Variants in NTNG1 observed in about 807,000 individuals in gnomAD.
NTNG1 encodes the protein netrin G1.
In NTNG1, 16 loss-of-function variants were observed where a neutral mutation model predicts 54.0. That is an observed-to-expected ratio of 0.30 (90% CI 0.20 to 0.45). The LOEUF (loss-of-function observed/expected upper bound fraction) is 0.45, where lower values mean the gene tolerates loss of function less well. Among genes scored for constraint, NTNG1 ranks in the 20% least tolerant of loss-of-function variants. The pLI is 1.00. For missense variants in NTNG1, 530 were observed against 678.7 expected, an observed-to-expected ratio of 0.78 and a Z score of 2.43; for synonymous variants, 255 against 263.1, an observed-to-expected ratio of 0.97 and a Z score of 0.30.
chr1:107,191,443 T>A (rs976060359), intron 2 of NTNG1, among the ~76,000 whole-genome samples: 1 of 152,064 alleles, frequency 6.6e-6, no homozygotes, highest in Non-Finnish European at 1.5e-5. Flanking sequence ...TAGATCCCAT[T>A]TGTCAATTGT....
intron 2 of NTNG1, among the ~76,000 whole-genome samples, chr1:107,177,712 T>C (rs111979767): frequency 0.019 from 2,829 of 152,340 alleles, 85 homozygotes; most frequent in African/African-American, 0.064. Context: ...TCTATACTTT[T>C]GTTTGATTTA....
chr1:107,323,815 T>G (rs896183869), intron 2 of NTNG1, among the ~76,000 whole-genome samples: 1 of 152,094 alleles, frequency 6.6e-6, no homozygotes, highest in Non-Finnish European at 1.5e-5. Context: ...GGGTATTGTC[T>G]CCCCTACAGA....
chr1:107,430,317 A>G lies in NTNG1; in HGVS notation c.1088-433A>G, dbSNP rs535901207. On this transcript the variant is annotated intron_variant, in intron 5 of 7. Coordinates refer to ENST00000370068, the MANE Select transcript of NTNG1 (RefSeq NM_001113226.3). ...TAAAGGAGCCATGGTGATGGTACTT[A>G]GACTCTCAATGCTCACACAGTCCCC... Among the ~76,000 whole-genome samples the G allele has an allele frequency of 1.4e-4, 21 of 152,278 alleles. No individual in the cohort carries two copies. The South Asian group carries it at 3.7e-3, about 27-fold the overall frequency.
At chr1:107,421,397 A>G (rs1396474495) in intron 5 of NTNG1, among the ~76,000 whole-genome samples, 1 of 152,050 alleles carries the variant, frequency 6.6e-6, no homozygotes, top group Non-Finnish European at 1.5e-5. Context: ...AAGAATTACA[A>G]TGGTTGAGGT....
chr1:107,246,910 C>T (rs566318405), intron 2 of NTNG1, among the ~76,000 whole-genome samples: 3 of 152,210 alleles, frequency 2.0e-5, no homozygotes, highest in Admixed American at 2.0e-4. Flanking sequence ...TTGGTGAGAA[C>T]TACAGCTATC....
chr1:107,429,547 AGAAT>A (rs1217521530), intron 5 of NTNG1, among the ~76,000 whole-genome samples: 1 of 152,174 alleles, frequency 6.6e-6, no homozygotes, highest in Non-Finnish European at 1.5e-5. Context: ...AATGAATGAA[AGAAT>A]GAATGAATGT....
At chr1:107,282,037 C>T (rs942248495) in intron 2 of NTNG1, among the ~76,000 whole-genome samples, 4 of 152,070 alleles carry the variant, frequency 2.6e-5, no homozygotes, top group African/African-American at 9.7e-5. Context: ...GAGTCTGACA[C>T]GTGGACTTTT....
At chr1:107,183,762 T>C (rs1657240803) in intron 2 of NTNG1, among the ~76,000 whole-genome samples, 2 of 152,100 alleles carry the variant, frequency 1.3e-5, no homozygotes, top group South Asian at 4.1e-4. Flanking sequence ...TCATACACAT[T>C]TCAAAAATAA....
chr1:107,277,269 A>G (rs1270181130), intron 2 of NTNG1, among the ~76,000 whole-genome samples: 1 of 152,184 alleles, frequency 6.6e-6, no homozygotes, highest in Non-Finnish European at 1.5e-5. Context: ...GATGGATTTC[A>G]GAGCCCAGAA....
At chr1:107,223,641 T>C (rs150093398) in intron 2 of NTNG1, among the ~76,000 whole-genome samples, 36 of 152,328 alleles carry the variant, frequency 2.4e-4, no homozygotes, top group Middle Eastern at 3.4e-3. Context: ...TGGTATTTAT[T>C]AATTTTTCTA....
At chr1:107,219,114 A>ATTTTTTTTTTTTTTTTTTT (rs199656576) in intron 2 of NTNG1, among the ~76,000 whole-genome samples, 1 of 143,746 alleles carries the variant, frequency 7.0e-6, no homozygotes, top group African/African-American at 2.5e-5. Context: ...TTGTTTTTAA[A>ATTTTTTTTTTTTTTTTTTT]TTTTTTTTTT....
At chr1:107,448,663 A>C (rs376202606) in intron 7 of NTNG1, among the ~76,000 whole-genome samples, 1 of 152,100 alleles carries the variant, frequency 6.6e-6, no homozygotes, top group Non-Finnish European at 1.5e-5. Flanking sequence ...GCTTTTTATC[A>C]CTTTGTGTTT....
chr1:107,179,069 C>T (rs932768808), intron 2 of NTNG1, among the ~76,000 whole-genome samples: 5 of 152,166 alleles, frequency 3.3e-5, no homozygotes, highest in African/African-American at 1.2e-4. Context: ...GCCCTGCCCT[C>T]CCCACAAAGA....
At chr1:107,140,429 G>T (rs556219354), upstream of NTNG1, among the ~76,000 whole-genome samples, 60 of 152,192 alleles carry the variant, frequency 3.9e-4, no homozygotes, top group Admixed American at 1.3e-4. Context: ...GCCGCTGGTG[G>T]GGGCGGGGAG....
chr1:107,290,584 G>A (rs1293777743), intron 2 of NTNG1, among the ~76,000 whole-genome samples: 1 of 151,992 alleles, frequency 6.6e-6, no homozygotes, highest in Non-Finnish European at 1.5e-5. Flanking sequence ...ATTGTGAGGG[G>A]TACTGGAATT....
At chr1:107,382,400 A>T (rs2101037738) in intron 3 of NTNG1, among the ~76,000 whole-genome samples, 1 of 152,242 alleles carries the variant, frequency 6.6e-6, no homozygotes, top group East Asian at 1.9e-4. Flanking sequence ...AAAATGTGAC[A>T]TTGATCCATG....
At chr1:107,189,869 G>A (rs1657775739) in intron 2 of NTNG1, among the ~76,000 whole-genome samples, 1 of 150,982 alleles carries the variant, frequency 6.6e-6, no homozygotes, top group African/African-American at 2.4e-5. Flanking sequence ...TTGTGTACTA[G>A]TATTCACAGC....
chr1:107,355,156 T>A (rs1669862456), intron 3 of NTNG1, among the ~76,000 whole-genome samples: 1 of 152,224 alleles, frequency 6.6e-6, no homozygotes, highest in East Asian at 1.9e-4. Flanking sequence ...CTCTGATTCC[T>A]CACTTGTGCT....
At chr1:107,233,998 T>C (rs909303676) in intron 2 of NTNG1, among the ~76,000 whole-genome samples, 3 of 152,196 alleles carry the variant, frequency 2.0e-5, no homozygotes, top group Non-Finnish European at 2.9e-5. Context: ...TGTCACTTTA[T>C]ACCCCGGAGC....
Sources: gnomAD v4.1 joint callset for allele counts (sites outside exome capture counted in the v4.1 genomes callset) on GRCh38, gnomAD v4.1.1 for gene constraint, MANE v1.5 for transcripts, NCBI Gene and HGNC (gene_info 2026-07-23, HGNC 2026-07-21) for gene names.